Variants in DAB2IP observed in about 807,000 individuals in gnomAD.
DAB2IP encodes the protein disabled homolog 2-interacting protein.
A neutral mutation model predicts 107.2 loss-of-function variants in DAB2IP; 28 were observed. The observed-to-expected ratio is 0.26, with a 90% confidence interval of 0.19 to 0.36. DAB2IP has a LOEUF of 0.36. DAB2IP is among the 10% of genes least tolerant of loss of function. The probability of loss-of-function intolerance (pLI) is 1.00; values close to 1 mark genes in which losing one functional copy is unlikely to be tolerated. For missense variants in DAB2IP, 1,400 were observed against 1,644.7 expected (o/e 0.85, Z 2.57); for synonymous variants, 755 against 706.4 (o/e 1.07, Z -1.09).
At chr9:121,623,081 C>CTTAG (rs1831528787) in intron 1 of DAB2IP, among the ~76,000 whole-genome samples, 1 of 152,008 alleles carries the variant, frequency 6.6e-6, no homozygotes, top group Non-Finnish European at 1.5e-5. Flanking sequence ...GAGATGCTTA[C>CTTAG]TTAAGAGAGC....
chr9:121,649,928 G>A (rs1185460066), upstream of DAB2IP, among the ~76,000 whole-genome samples: 1 of 152,236 alleles, frequency 6.6e-6, no homozygotes, highest in Non-Finnish European at 1.5e-5. Context: ...GCTGCATGTG[G>A]CCCAGGATGG....
chr9:121,763,787 C>G (rs985379803), exon 8 of DAB2IP: 6 of 1,614,146 alleles, frequency 3.7e-6, no homozygotes, highest in Non-Finnish European at 5.1e-6. Context: ...AAGTGGATCC[C>G]AGCAAGTGCT....
chr9:121,732,673 G>A (rs1008089982), intron 3 of DAB2IP, among the ~76,000 whole-genome samples: 1 of 152,198 alleles, frequency 6.6e-6, no homozygotes, highest in African/African-American at 2.4e-5. Context: ...CTGAAGTGTT[G>A]AACACTGGCA....
chr9:121,609,680 G>A (rs1013846177), intron 1 of DAB2IP, among the ~76,000 whole-genome samples: 1 of 152,230 alleles, frequency 6.6e-6, no homozygotes, highest in African/African-American at 2.4e-5. Context: ...CTTCTGGTGC[G>A]ATCTATCCAT....
chr9:121,609,789 G>A (rs1831025457), intron 1 of DAB2IP, among the ~76,000 whole-genome samples: 1 of 152,180 alleles, frequency 6.6e-6, no homozygotes, highest in Non-Finnish European at 1.5e-5. Context: ...GGCTATCTTG[G>A]TCCTTGGCTG....
chr9:121,644,479 C>T (rs375830298), intron 1 of DAB2IP, among the ~76,000 whole-genome samples: 38 of 152,188 alleles, frequency 2.5e-4, no homozygotes, highest in African/African-American at 8.9e-4. Flanking sequence ...CGCCTGTAAT[C>T]CCAGTTACTC....
At chr9:121,784,249 T>TTCTG (rs1835851661) in exon 16 of DAB2IP, 1 of 154,422 alleles carries the variant, frequency 6.5e-6, no homozygotes, top group Non-Finnish European at 1.4e-5. Flanking sequence ...TGTCTCACTC[T>TTCTG]TCTGTCTTGT....
chr9:121,607,449 A>G (rs1830923209), intron 1 of DAB2IP, among the ~76,000 whole-genome samples: 1 of 151,836 alleles, frequency 6.6e-6, no homozygotes, highest in Non-Finnish European at 1.5e-5. Flanking sequence ...ACTGCAGGCA[A>G]GCACCACCAT....
intron 1 of DAB2IP, among the ~76,000 whole-genome samples, chr9:121,667,028 C>T (rs1482623177): frequency 1.3e-5 from 2 of 152,048 alleles, no homozygotes; most frequent in African/African-American, 2.4e-5. Flanking sequence ...TGTTTGTTTT[C>T]GAGACAGAGT....
intron 1 of DAB2IP, among the ~76,000 whole-genome samples, chr9:121,577,415 C>T (rs542882283): frequency 5.4e-4 from 83 of 152,322 alleles, no homozygotes; most frequent in African/African-American, 1.6e-3. Context: ...TCTGTGTGTG[C>T]GCACACGGGC....
intron 3 of DAB2IP, among the ~76,000 whole-genome samples, chr9:121,716,982 T>C (rs777277988): frequency 1.3e-5 from 2 of 152,190 alleles, no homozygotes; most frequent in African/African-American, 2.4e-5. Context: ...CCAGGAAGAC[T>C]GTTTCAGCGA....
At chr9:121,765,459 G>C (rs1834212817) in intron 8 of DAB2IP, among the ~76,000 whole-genome samples, 1 of 152,224 alleles carries the variant, frequency 6.6e-6, no homozygotes, top group Admixed American at 6.5e-5. Context: ...TGCATTGCAG[G>C]AGAGCCTGCT....
chr9:121,644,426 G>T (rs185005724), intron 1 of DAB2IP, among the ~76,000 whole-genome samples: 3 of 151,580 alleles, frequency 2.0e-5, no homozygotes, highest in African/African-American at 7.3e-5. Context: ...GCGAAACCCC[G>T]TCTCTACTAA....
chr9:121,691,326 CG>C (rs1363329843), intron 2 of DAB2IP, among the ~76,000 whole-genome samples: 1 of 151,900 alleles, frequency 6.6e-6, no homozygotes. Flanking sequence ...TGGGGACATC[CG>C]GGGAGGCCTC....
chr9:121,679,595 G>A (rs1828474754), intron 2 of DAB2IP, among the ~76,000 whole-genome samples: 1 of 152,082 alleles, frequency 6.6e-6, no homozygotes, highest in Non-Finnish European at 1.5e-5. Flanking sequence ...AGGTCAGGTG[G>A]ATGTTGGATG....
At chr9:121,610,255 G>T (rs1353426567) in intron 1 of DAB2IP, among the ~76,000 whole-genome samples, 3 of 152,158 alleles carry the variant, frequency 2.0e-5, no homozygotes, top group Admixed American at 6.5e-5. Context: ...GTTAGCATTT[G>T]CTCTGCCTCA....
rs576616029 is a variant in DAB2IP at position 121,722,568 on chromosome 9, T to C, written c.362+23110T>C. Among the ~76,000 whole-genome samples the C allele has an allele frequency of 3.6e-4, 55 of 152,296 alleles. 1 individual carries two copies. Among genetic ancestry groups the C allele is most frequent in the Non-Finnish European group, 1.5e-4 (10 of 68,038 alleles). ...TGAGCCCCTGCTGTATGCAGGGCCT[T>C]GGGCCAGAGAGGGGACTGAAACCCA... On this transcript the variant is annotated intron_variant, in intron 3 of 15. Transcript: ENST00000408936.
intron 5 of DAB2IP, 56 bp from the exon 6 acceptor site, chr9:121,759,829 T>C: frequency 6.6e-7 from 1 of 1,507,116 alleles, no homozygotes; most frequent in Non-Finnish European, 9.0e-7. Flanking sequence ...CTGGGCTGGT[T>C]GGGGGTTGCA....
intron 1 of DAB2IP, among the ~76,000 whole-genome samples, chr9:121,670,952 A>T (rs1055731924): frequency 1.3e-5 from 2 of 152,136 alleles, no homozygotes; most frequent in Non-Finnish European, 2.9e-5. Context: ...AGAGATCGAG[A>T]CCATCCTGGC....
Sources: allele counts gnomAD v4.1 joint callset (sites outside exome capture counted in the v4.1 genomes callset), GRCh38; gene constraint gnomAD v4.1.1; transcripts MANE v1.5; gene names NCBI Gene and HGNC (gene_info 2026-07-23, HGNC 2026-07-21).